The following LRBA variants were observed in gnomAD, a reference collection of about 807,000 sequenced individuals.
LRBA encodes LPS responsive beige-like anchor protein, also known as lipopolysaccharide-responsive and beige-like anchor protein.
A neutral mutation model predicts 330.0 loss-of-function variants in LRBA; 176 were observed. The observed-to-expected ratio is 0.53, with a 90% confidence interval of 0.47 to 0.60. LRBA has a LOEUF of 0.60. Among genes scored for constraint, LRBA ranks in the 20% least tolerant of loss-of-function variants. The probability of loss-of-function intolerance (pLI) is 0.00; values close to 1 mark genes in which losing one functional copy is unlikely to be tolerated. For synonymous variants in LRBA, 1,230 were observed against 1,193.0 expected, an observed-to-expected ratio of 1.03 and a Z score of -0.64; for missense variants, 3,259 against 3,444.8, an observed-to-expected ratio of 0.95 and a Z score of 1.35.
chr4:150,449,869 A>C (rs1753133888), intron 44 of LRBA, among the ~76,000 whole-genome samples: 1 of 152,164 alleles, frequency 6.6e-6, no homozygotes, highest in African/African-American at 2.4e-5. Context: ...AAAGAAGCAC[A>C]TAAAGGGAGA....
intron 2 of LRBA, among the ~76,000 whole-genome samples, chr4:150,980,198 A>G (rs1480012035): frequency 6.6e-5 from 10 of 152,212 alleles, no homozygotes; most frequent in Admixed American, 6.5e-4. Context: ...ATGATACATC[A>G]TATTAACAGA....
chr4:151,005,861 A>C (rs1744013220), intron 2 of LRBA, among the ~76,000 whole-genome samples: 1 of 151,930 alleles, frequency 6.6e-6, no homozygotes, highest in Non-Finnish European at 1.5e-5. Context: ...CTCCCAAAGC[A>C]CTGGGATTAC....
At chr4:150,397,973 G>A (rs543181574) in intron 47 of LRBA, among the ~76,000 whole-genome samples, 5 of 152,186 alleles carry the variant, frequency 3.3e-5, no homozygotes, top group Non-Finnish European at 5.9e-5. Flanking sequence ...TAAACAAAGC[G>A]AAATATAAAT....
rs376400938 is a variant in LRBA at position 150,738,218 on chromosome 4, T to A, written c.5646-2852A>T. On this transcript the variant is annotated intron_variant, in intron 35 of 56. Coordinates refer to ENST00000651943, the MANE Select transcript of LRBA (RefSeq NM_001364905.1). The stretch of plus-strand genomic sequence containing the variant: ...GTTAGCCAGGGTGGTCTTGAACTCC[T>A]GACCTCAGGTGATCCGCCCGCCTTG... Among the ~76,000 whole-genome samples, 20 of 152,024 alleles carry A rather than the reference T, an allele frequency of 1.3e-4. 1 individual carries two copies. In the South Asian group the frequency reaches 4.1e-3, roughly 32 times the overall value.
chr4:150,595,679 G>A (rs1371595409), intron 38 of LRBA, among the ~76,000 whole-genome samples: 2 of 151,740 alleles, frequency 1.3e-5, no homozygotes, highest in African/African-American at 2.4e-5. Context: ...AATTTTAGAG[G>A]ACAGCACAGC....
At chr4:150,958,933 A>G (rs1324155765) in intron 2 of LRBA, among the ~76,000 whole-genome samples, 1 of 149,074 alleles carries the variant, frequency 6.7e-6, no homozygotes, top group Admixed American at 6.6e-5. Flanking sequence ...ACATTTCCCT[A>G]TCTTCTTCTA....
At chr4:150,912,214 G>A (rs1579180705) in intron 9 of LRBA, among the ~76,000 whole-genome samples, 1 of 152,010 alleles carries the variant, frequency 6.6e-6, no homozygotes, top group Admixed American at 6.6e-5. Flanking sequence ...TATATGACCT[G>A]TTAGGAACAA....
At chr4:150,845,354 A>ATGTT (rs1749699658) in intron 26 of LRBA, among the ~76,000 whole-genome samples, 1 of 152,204 alleles carries the variant, frequency 6.6e-6, no homozygotes, top group African/African-American at 2.4e-5. Flanking sequence ...ACTAGCTTTC[A>ATGTT]TTAAAACTGC....
chr4:150,917,294 C>A (rs1379813362), intron 5 of LRBA, among the ~76,000 whole-genome samples: 1 of 151,570 alleles, frequency 6.6e-6, no homozygotes, highest in African/African-American at 2.4e-5. Flanking sequence ...TTCAGTGTAA[C>A]CTGGACACAT....
At chr4:150,644,395 T>C (rs1581907317) in intron 37 of LRBA, among the ~76,000 whole-genome samples, 1 of 151,310 alleles carries the variant, frequency 6.6e-6, no homozygotes, top group Admixed American at 6.6e-5. Flanking sequence ...TTCTGAGTGA[T>C]TCTTTTGTTA....
chr4:150,954,160 C>T (rs1430003597), intron 2 of LRBA, among the ~76,000 whole-genome samples: 7 of 149,914 alleles, frequency 4.7e-5, no homozygotes, highest in South Asian at 4.3e-4. Context: ...GGGCAGCCCC[C>T]GCCCGGCCAG....
chr4:150,288,271 G>A (rs1332326976), intron 53 of LRBA, among the ~76,000 whole-genome samples: 4 of 150,812 alleles, frequency 2.7e-5, no homozygotes, highest in African/African-American at 4.9e-5. Context: ...GAGCCACCGC[G>A]CCCAGCCAGG....
At chr4:150,766,376 A>T (rs1735769023) in intron 34 of LRBA, among the ~76,000 whole-genome samples, 1 of 152,142 alleles carries the variant, frequency 6.6e-6, no homozygotes, top group Non-Finnish European at 1.5e-5. Flanking sequence ...TAGCCTATAT[A>T]AAAAGAATCT....
chr4:150,900,658 T>C (rs1730620050), intron 13 of LRBA, among the ~76,000 whole-genome samples: 1 of 151,918 alleles, frequency 6.6e-6, no homozygotes, highest in African/African-American at 2.4e-5. Context: ...GAAAAAGTAC[T>C]AGTAACTCAA....
intron 2 of LRBA, among the ~76,000 whole-genome samples, chr4:150,993,404 AAAAAG>A (rs1742308283): frequency 6.6e-6 from 1 of 152,200 alleles, no homozygotes; most frequent in East Asian, 1.9e-4. Flanking sequence ...ATTTGTCTTT[AAAAAG>A]CAATTATGTG....
At chr4:150,522,732 G>A (rs1025916244) in intron 40 of LRBA, among the ~76,000 whole-genome samples, 2 of 152,224 alleles carry the variant, frequency 1.3e-5, no homozygotes, top group African/African-American at 4.8e-5. Context: ...TAAGTGATAA[G>A]CCTCAGTAGC....
chr4:150,456,018 C>T (rs919027670), intron 44 of LRBA, among the ~76,000 whole-genome samples: 15 of 152,188 alleles, frequency 9.9e-5, no homozygotes, highest in Non-Finnish European at 2.2e-4. Flanking sequence ...TTTTTTATGG[C>T]TGAATAGTAC....
At chr4:150,773,906 T>C (rs1044303030) in intron 34 of LRBA, among the ~76,000 whole-genome samples, 12 of 152,222 alleles carry the variant, frequency 7.9e-5, no homozygotes, top group African/African-American at 2.7e-4. Flanking sequence ...CTTGGACTCA[T>C]TGTCACTTCA....
chr4:150,541,381 G>A (rs1475388910), intron 40 of LRBA, among the ~76,000 whole-genome samples: 1 of 152,136 alleles, frequency 6.6e-6, no homozygotes, highest in African/African-American at 2.4e-5. Flanking sequence ...ACAGGAGAAG[G>A]AGGTTAAGCT....
Sources: allele counts gnomAD v4.1 joint callset (sites outside exome capture counted in the v4.1 genomes callset), GRCh38; gene constraint gnomAD v4.1.1; transcripts MANE v1.5; gene names NCBI Gene and HGNC (gene_info 2026-07-23, HGNC 2026-07-21).